WDPCP: variants seen among roughly 807,000 people sequenced by gnomAD.
The protein encoded by WDPCP is WD repeat-containing and planar cell polarity effector protein fritz homolog.
WDPCP carries 71 observed loss-of-function variants against 93.1 expected under a neutral mutation model. The ratio of observed to expected loss-of-function variants is 0.76; its 90% CI spans 0.63 to 0.93. The LOEUF is 0.93. WDPCP is among the 40% of genes least tolerant of loss of function. The pLI, the probability that WDPCP is intolerant of heterozygous loss-of-function variation, is 0.00. For missense variants in WDPCP, 844 were observed against 887.4 expected, an observed-to-expected ratio of 0.95 and a Z score of 0.62; for synonymous variants, 315 against 315.0, an observed-to-expected ratio of 1.00 and a Z score of 0.00.
At chr2:63,722,929 G>A (rs1669447169) in intron 2 of WDPCP, among the ~76,000 whole-genome samples, 1 of 152,136 alleles carries the variant, frequency 6.6e-6, no homozygotes, top group East Asian at 1.9e-4. Context: ...TTTTCATTTT[G>A]TTCTGTACTA....
rs563000462 is a variant in WDPCP at position 63,493,113 on chromosome 2, C to A, written c.76-173G>T. Among the ~76,000 whole-genome samples, 4 of 152,162 alleles carry A rather than the reference C, an allele frequency of 2.6e-5. No homozygotes were observed. The South Asian group carries it at 8.3e-4, about 32-fold the overall frequency. ...CCTTGGTTAACCATCCAGAAATAAA[C>A]TCTAGAAAGAGGAAAAATACACTTC... On this transcript the variant is annotated intron_variant, in intron 1 of 17. Transcript: ENST00000272321.
chr2:63,622,089 G>GTTTGTTT, intron 3 of WDPCP: 1 of 549,144 alleles, frequency 1.8e-6, no homozygotes, highest in Admixed American at 7.9e-5. Flanking sequence ...TTTTTTGGAA[G>GTTTGTTT]TTGATTTTTA....
rs183767745 is a variant in WDPCP, at chr2:63,725,637, G to A, written n.309-74799C>T. Among the ~76,000 whole-genome samples, 438 of 152,234 alleles carry A rather than the reference G, an allele frequency of 2.9e-3. 1 individual carries two copies. The highest frequency in any genetic ancestry group is 4.4e-3 in the Admixed American group (68 of 15,286). On this transcript the variant is annotated intron_variant and non_coding_transcript_variant, in intron 2 of 4. Transcript: ENST00000467687. ...AAAACTCCAAACTGCTTTCCACAGTGGCTGAACTAATTTACACTCCCACCA... is the reference window on the plus strand; with the variant it reads ...AAAACTCCAAACTGCTTTCCACAGTAGCTGAACTAATTTACACTCCCACCA...
chr2:63,470,999 C>T (rs1699659642), intron 6 of WDPCP, among the ~76,000 whole-genome samples: 1 of 152,160 alleles, frequency 6.6e-6, no homozygotes, highest in Non-Finnish European at 1.5e-5. Context: ...TTCATTAAGG[C>T]CTTTCCTGGC....
At chr2:63,507,376 C>G (rs914748006) in intron 1 of WDPCP, among the ~76,000 whole-genome samples, 3 of 151,938 alleles carry the variant, frequency 2.0e-5, no homozygotes, top group African/African-American at 7.3e-5. Context: ...AAATTATTTC[C>G]TACCTATAAT....
chr2:63,139,418 G>C (rs1305115368), intron 17 of WDPCP, among the ~76,000 whole-genome samples: 3 of 152,192 alleles, frequency 2.0e-5, no homozygotes, highest in Admixed American at 1.3e-4. Flanking sequence ...CATAGTGGCT[G>C]TATGAGTTTA....
chr2:63,487,994 A>G (rs1355863194), intron 2 of WDPCP, among the ~76,000 whole-genome samples: 2 of 152,096 alleles, frequency 1.3e-5, no homozygotes, highest in Admixed American at 6.6e-5. Context: ...GAACGTTTGG[A>G]TACATTATTA....
intron 6 of WDPCP, among the ~76,000 whole-genome samples, chr2:63,467,776 CAAAAA>C (rs3051717): frequency 2.3e-5 from 2 of 87,690 alleles, no homozygotes; most frequent in South Asian, 4.0e-4. Flanking sequence ...ACTCAGTCTC[CAAAAA>C]AAAAAAAAAA....
chr2:63,125,668 C>T (rs1174269064), intron 17 of WDPCP, among the ~76,000 whole-genome samples: 8 of 150,912 alleles, frequency 5.3e-5, no homozygotes, highest in African/African-American at 7.3e-5. Flanking sequence ...AGTGCAGTGG[C>T]GTGATCTCGG....
At chr2:63,741,604 A>G (rs999761423) in intron 2 of WDPCP, among the ~76,000 whole-genome samples, 9 of 151,756 alleles carry the variant, frequency 5.9e-5, no homozygotes, top group African/African-American at 2.2e-4. Context: ...TTTTTTTCAA[A>G]TTTAATGGCT....
At chr2:63,824,231 T>G (rs745649860) in intron 1 of WDPCP, among the ~76,000 whole-genome samples, 1 of 152,060 alleles carries the variant, frequency 6.6e-6, no homozygotes, top group Admixed American at 6.5e-5. Context: ...ATGTAAGACA[T>G]GCCTGCTTCC....
intron 2 of WDPCP, chr2:63,684,493 C>T: frequency 1.3e-6 from 1 of 754,966 alleles, no homozygotes; most frequent in Non-Finnish European, 2.4e-6. Context: ...AGAAGATCGC[C>T]AAGAGGTCAA....
At chr2:63,549,299 A>G (rs898935883) in intron 1 of WDPCP, among the ~76,000 whole-genome samples, 47 of 151,786 alleles carry the variant, frequency 3.1e-4, no homozygotes, top group Admixed American at 1.4e-3. Context: ...GCATCCATCT[A>G]AAGGAATTAA....
In WDPCP at chr2:63,256,563, C is replaced by T. The variant is rs80179230; in HGVS notation, c.1915+2744G>A. 7.0e-3 allele frequency among the ~76,000 whole-genome samples: 1,009 copies of T among 143,216 alleles called. 8 individuals are homozygous for T. The highest frequency in any genetic ancestry group is 0.027 in the African/African-American group (957 of 36,018). 94.0% of individuals were successfully genotyped at this position (143,216 alleles called of 152,430 possible). A position where few individuals can be genotyped will look rare whatever the true frequency, so the allele number is the denominator to read the frequency against. On this transcript the variant is annotated intron_variant, in intron 14 of 17. Transcript: ENST00000272321. ...GTAGCTACTAAGGCTGCATATCCTA[C>T]GTCACAGGAGTTCAACTTCTAAGCA... is the stretch of plus-strand genomic sequence containing the variant.
At chr2:63,390,678 C>A (rs1693163605) in intron 10 of WDPCP, among the ~76,000 whole-genome samples, 1 of 151,842 alleles carries the variant, frequency 6.6e-6, no homozygotes. Context: ...GAAGAGAGAA[C>A]AATCAAATAG....
chr2:63,719,922 A>C (rs971347120), intron 2 of WDPCP, among the ~76,000 whole-genome samples: 1 of 152,168 alleles, frequency 6.6e-6, no homozygotes, highest in African/African-American at 2.4e-5. Context: ...ACTAGTATTT[A>C]TATAGCAATC....
intron 3 of WDPCP, among the ~76,000 whole-genome samples, chr2:63,595,904 G>A (rs942618313): frequency 2.6e-5 from 4 of 152,088 alleles, no homozygotes; most frequent in African/African-American, 2.4e-5. Context: ...ATCCTGTAAT[G>A]GAAAACTTTC....
Position 63,378,424 on chromosome 2 carries a change from G to A in WDPCP, c.1710C>T (p.Ile570=). 1 of 1,613,142 alleles carries A rather than the reference G, an allele frequency of 6.2e-7. No homozygotes were observed. The highest frequency in any genetic ancestry group is 1.1e-5 in the South Asian group (1 of 91,066). Reference sequence around the variant, plus strand: ...GGAAGAATCTCCTTGCATATTTGCTGATTTGATCTCTATATTCCAATATAG... The same window carrying A: ...GGAAGAATCTCCTTGCATATTTGCTAATTTGATCTCTATATTCCAATATAG... The part of the protein sequence containing the change: ...DSTILEYRDQ[I]SKYARRFFHH... Residue 570 remains isoleucine (I), a synonymous_variant, in exon 12 of 18, where the codon ATC becomes ATT. Transcript: ENST00000272321.
chr2:63,345,563 A>G (rs1689134290), intron 12 of WDPCP, among the ~76,000 whole-genome samples: 1 of 152,198 alleles, frequency 6.6e-6, no homozygotes, highest in African/African-American at 2.4e-5. Flanking sequence ...GGTAGCTCAC[A>G]GAGGTTCTTA....
Sources: gnomAD v4.1 joint callset for allele counts (sites outside exome capture counted in the v4.1 genomes callset) on GRCh38, gnomAD v4.1.1 for gene constraint, MANE v1.5 for transcripts, NCBI Gene and HGNC (gene_info 2026-07-23, HGNC 2026-07-21) for gene names.